Variants in CSMD1 observed in about 807,000 individuals in gnomAD.
CSMD1 encodes the protein CUB and sushi domain-containing protein 1.
CSMD1 carries 213 observed loss-of-function variants against 417.5 expected under a neutral mutation model. The observed-to-expected ratio is 0.51, with a 90% CI of 0.46 to 0.57. CSMD1 has a LOEUF of 0.57. Ranked by LOEUF, CSMD1 falls within the 20% of genes least tolerant of loss-of-function variation. The pLI is 0.00. For missense variants in CSMD1, 6,923 were observed against 4,529.7 expected, an observed-to-expected ratio of 1.53 and a Z score of -15.17; for synonymous variants, 2,862 against 1,736.8, an observed-to-expected ratio of 1.65 and a Z score of -16.11.
chr8:3,044,957 G>T (rs757985881), intron 50 of CSMD1, among the ~76,000 whole-genome samples: 1 of 152,170 alleles, frequency 6.6e-6, no homozygotes, highest in African/African-American at 2.4e-5. Context: ...TTCTGGCTAA[G>T]AGGTAAAGTT....
chr8:3,878,674 A>G (rs1390149047), intron 5 of CSMD1, among the ~76,000 whole-genome samples: 1 of 152,184 alleles, frequency 6.6e-6, no homozygotes, highest in Non-Finnish European at 1.5e-5. Context: ...TTCATATTCA[A>G]CTAGTCTGAG....
At chr8:3,300,854 G>C (rs142163374) in intron 25 of CSMD1, among the ~76,000 whole-genome samples, 1 of 148,472 alleles carries the variant, frequency 6.7e-6, no homozygotes, top group African/African-American at 2.5e-5. Flanking sequence ...AGCTACTCAG[G>C]ACACTGAGGC....
chr8:3,551,373 C>G (rs1798903091), intron 10 of CSMD1, among the ~76,000 whole-genome samples: 2 of 151,916 alleles, frequency 1.3e-5, no homozygotes, highest in South Asian at 4.2e-4. Context: ...TGGTTTTAAG[C>G]CTAAGAGTAG....
intron 1 of CSMD1, among the ~76,000 whole-genome samples, chr8:4,953,027 A>G (rs867739546): frequency 6.6e-6 from 1 of 151,816 alleles, no homozygotes; most frequent in African/African-American, 2.4e-5. Context: ...CACATGTGAG[A>G]TGAGAGTGAC....
intron 2 of CSMD1, among the ~76,000 whole-genome samples, chr8:4,501,577 T>G (rs188398950): frequency 3.3e-5 from 5 of 152,276 alleles, no homozygotes; most frequent in Non-Finnish European, 7.4e-5. Flanking sequence ...TCTGAAAACA[T>G]TAAATGAAAA....
At chr8:4,398,323 T>G (rs1172403161) in intron 3 of CSMD1, among the ~76,000 whole-genome samples, 1 of 152,110 alleles carries the variant, frequency 6.6e-6, no homozygotes, top group African/African-American at 2.4e-5. Flanking sequence ...TTTTAAATAT[T>G]CGTTAGGACT....
chr8:4,908,714 T>A (rs1805466549), intron 1 of CSMD1, among the ~76,000 whole-genome samples: 1 of 74,566 alleles, frequency 1.3e-5, no homozygotes, highest in South Asian at 6.6e-4. Context: ...TATTCTTCAT[T>A]TCTGTCACCA....
chr8:4,912,193 G>A (rs530859987), intron 1 of CSMD1, among the ~76,000 whole-genome samples: 1 of 138,816 alleles, frequency 7.2e-6, no homozygotes, highest in South Asian at 2.3e-4. Context: ...CATAAAATTA[G>A]AAAAGTCCTC....
rs1798735119 is a variant in CSMD1, at chr8:3,229,948, T to C, written c.4345+92A>G. The C allele has an allele frequency of 5.4e-6, 5 of 918,468 alleles. No individual in the cohort carries two copies. In the African/African-American group the frequency reaches 6.7e-5, roughly 12 times the overall value. 56.9% of individuals were successfully genotyped at this position (918,468 alleles called of 1,614,324 possible). ...ACATGAAAGAAACTCTTGAGAAATATTTCTGAAGAAATAATACATTTACGG... is the reference window on the plus strand; with the variant it reads ...ACATGAAAGAAACTCTTGAGAAATACTTCTGAAGAAATAATACATTTACGG... On this transcript the variant is annotated intron_variant, in intron 27 of 69. Transcript: ENST00000635120.
rs536035477 is a variant in CSMD1 at position 4,727,494 on chromosome 8, C to A, written c.86-89936G>T. On this transcript the variant is annotated intron_variant, in intron 1 of 69. Transcript: ENST00000635120. ...AATAAAGAGAGAGAATGATTTGGCA[C>A]TTTCAAAAAGCAAGTGAAATAATGC... 2.0e-5 allele frequency among the ~76,000 whole-genome samples: 3 copies of A among 152,270 alleles called. No individual in the cohort carries two copies. The South Asian group carries it at 6.2e-4, about 32-fold the overall frequency.
intron 3 of CSMD1, among the ~76,000 whole-genome samples, chr8:4,199,527 G>T (rs1344323992): frequency 2.6e-5 from 4 of 152,098 alleles, no homozygotes; most frequent in Non-Finnish European, 5.9e-5. Flanking sequence ...AAATATAAGC[G>T]ATCATCAGTA....
chr8:3,609,558 A>G (rs1801786500), intron 8 of CSMD1, among the ~76,000 whole-genome samples: 1 of 152,164 alleles, frequency 6.6e-6, no homozygotes, highest in Admixed American at 6.5e-5. Context: ...GAATAATACT[A>G]TAAATGAAAC....
intron 5 of CSMD1, among the ~76,000 whole-genome samples, chr8:3,810,303 C>T (rs1258211925): frequency 6.6e-6 from 1 of 152,118 alleles, no homozygotes; most frequent in African/African-American, 2.4e-5. Flanking sequence ...GAAGACAAGA[C>T]AAAACCCAAA....
chr8:3,819,508 G>A (rs376576082), intron 5 of CSMD1, among the ~76,000 whole-genome samples: 2 of 150,576 alleles, frequency 1.3e-5, no homozygotes, highest in East Asian at 2.0e-4. Flanking sequence ...CAAGAATGCT[G>A]GAGCTCAAAA....
intron 3 of CSMD1, among the ~76,000 whole-genome samples, chr8:4,061,288 T>G (rs1333302131): frequency 1.3e-5 from 2 of 152,116 alleles, no homozygotes; most frequent in African/African-American, 4.8e-5. Context: ...CACAGAGAGG[T>G]ACATCTTATC....
intron 27 of CSMD1, among the ~76,000 whole-genome samples, chr8:3,225,096 G>A (rs75032836): frequency 0.044 from 6,747 of 152,202 alleles, 209 homozygotes; most frequent in African/African-American, 0.084. Context: ...TATACAAAAA[G>A]AGACTTTGTT....
chr8:3,451,984 T>C (rs949260148), intron 12 of CSMD1, among the ~76,000 whole-genome samples: 2 of 125,114 alleles, frequency 1.6e-5, no homozygotes, highest in Non-Finnish European at 3.5e-5. Flanking sequence ...TCTCCTCTTT[T>C]ATTTCATTGA....
chr8:4,681,734 C>T (rs1169775568), intron 1 of CSMD1, among the ~76,000 whole-genome samples: 2 of 152,054 alleles, frequency 1.3e-5, no homozygotes, highest in Non-Finnish European at 2.9e-5. Flanking sequence ...GAAGCCTAGA[C>T]CTATTGTGAA....
chr8:4,683,772 A>T (rs1020542686), intron 1 of CSMD1, among the ~76,000 whole-genome samples: 8 of 152,216 alleles, frequency 5.3e-5, no homozygotes, highest in African/African-American at 1.9e-4. Flanking sequence ...ACATCTATGA[A>T]ACTTTTCTAG....
Sources: gnomAD v4.1 joint callset for allele counts (sites outside exome capture counted in the v4.1 genomes callset) on GRCh38, gnomAD v4.1.1 for gene constraint, MANE v1.5 for transcripts, NCBI Gene and HGNC (gene_info 2026-07-23, HGNC 2026-07-21) for gene names.